The following MLLT10 variants were observed in gnomAD, a reference collection of about 807,000 sequenced individuals.
MLLT10 encodes protein AF-10.
A neutral mutation model predicts 129.1 loss-of-function variants in MLLT10; 30 were observed. That is an observed-to-expected ratio of 0.23 (90% CI 0.17 to 0.32). The LOEUF (loss-of-function observed/expected upper bound fraction) is 0.32. Ranked by LOEUF, MLLT10 falls within the 10% of genes least tolerant of loss-of-function variation. MLLT10 has a pLI of 1.00. For synonymous variants in MLLT10, 490 were observed against 446.4 expected (o/e 1.10, Z -1.23); for missense variants, 1,119 against 1,268.3 (o/e 0.88, Z 1.79).
intron 5 of MLLT10, among the ~76,000 whole-genome samples, chr10:21,610,362 C>T (rs916086243): frequency 5.3e-5 from 8 of 152,158 alleles, no homozygotes; most frequent in Admixed American, 1.3e-4. Flanking sequence ...GGAGGGAGCC[C>T]TCATCTTCTT....
intron 3 of MLLT10, among the ~76,000 whole-genome samples, chr10:21,558,446 C>G (rs945813567): frequency 6.6e-6 from 1 of 151,818 alleles, no homozygotes; most frequent in Non-Finnish European, 1.5e-5. Context: ...ACAGAGGAGA[C>G]CCTATCTCTA....
At chr10:21,596,728 T>A (rs2131136930) in intron 5 of MLLT10, among the ~76,000 whole-genome samples, 1 of 152,236 alleles carries the variant, frequency 6.6e-6, no homozygotes, top group East Asian at 1.9e-4. Flanking sequence ...TATTCATGTA[T>A]GTTAATTGAC....
chr10:21,724,919 G>A (rs1350416749), intron 14 of MLLT10, among the ~76,000 whole-genome samples: 2 of 152,206 alleles, frequency 1.3e-5, no homozygotes, highest in African/African-American at 4.8e-5. Context: ...TACAAACTTT[G>A]GACGAGCTCT....
Position 21,595,460 on chromosome 10 carries a change from A to G in MLLT10, c.405+20A>G, listed in dbSNP as rs777366753. 5.8e-6 allele frequency: 9 copies of G among 1,560,512 alleles called. No individual in the cohort carries two copies. The highest frequency in any genetic ancestry group is 7.9e-6 in the Non-Finnish European group (9 of 1,135,506). ...AATAAGGTACAGTGGATATTATTTT[A>G]TTACTGTTTGAATATCACTACTGGG... On this transcript the variant is annotated intron_variant, in intron 5 of 22. Coordinates refer to ENST00000307729, the MANE Select transcript of MLLT10 (RefSeq NM_001195626.3).
intron 9 of MLLT10, among the ~76,000 whole-genome samples, chr10:21,652,718 A>T (rs911335855): frequency 6.6e-6 from 1 of 152,172 alleles, no homozygotes; most frequent in Non-Finnish European, 1.5e-5. Flanking sequence ...CTGAATTGAG[A>T]TGTAACGTGG....
intron 8 of MLLT10, among the ~76,000 whole-genome samples, chr10:21,629,537 C>G (rs1232908809): frequency 2.0e-5 from 3 of 152,130 alleles, no homozygotes; most frequent in Admixed American, 2.0e-4. Flanking sequence ...TTTTCACCCA[C>G]AAGTTTTAGC....
intron 1 of MLLT10, 55 bp from the exon 2 acceptor site, chr10:21,534,590 G>GA: frequency 2.0e-6 from 3 of 1,514,954 alleles, no homozygotes; most frequent in Non-Finnish European, 1.8e-6. Context: ...GTGTGGGGGG[G>GA]AAGCACTAAT....
In MLLT10 at chr10:21,625,663, GT is replaced by G. The variant is rs1325619115; in HGVS notation, c.699+8460del. On this transcript the variant is annotated intron_variant, in intron 8 of 22. Transcript: ENST00000307729. ...TGACTTTACTGAATTCTTCCAGAGT[GT>G]TTTCTTTAGTCTTATTCTTCAGAAT... 2.2e-5 allele frequency: 17 copies of G among 763,178 alleles called. No homozygotes were observed. The African/African-American group carries it at 2.6e-4, about 11-fold the overall frequency. The allele number at this position is 763,178 out of a possible 1,614,324, so 47.3% of individuals were successfully genotyped here.
intron 3 of MLLT10, among the ~76,000 whole-genome samples, chr10:21,574,489 A>G (rs1003828119): frequency 2.0e-5 from 3 of 152,214 alleles, no homozygotes; most frequent in South Asian, 2.1e-4. Context: ...AGGCGGATTC[A>G]TAGAGTAAAG....
In MLLT10 at chr10:21,713,637, A is replaced by G. The variant is rs530573743; in HGVS notation, c.1700-135A>G. ...GTTTATTTGTTTAGTTACTAGCACAATATTTTTTAAACAGCAACAATAAGA... is the reference window on the plus strand; with the variant it reads ...GTTTATTTGTTTAGTTACTAGCACAGTATTTTTTAAACAGCAACAATAAGA... On this transcript the variant is annotated intron_variant, in intron 13 of 22. Transcript: ENST00000307729. 92 of 721,684 alleles carry G rather than the reference A, an allele frequency of 1.3e-4. No individual in the cohort carries two copies. The African/African-American group carries it at 1.4e-3, about 11-fold the overall frequency. The allele number at this position is 721,684 out of a possible 1,614,324, so 44.7% of individuals were successfully genotyped here.
intron 21 of MLLT10, among the ~76,000 whole-genome samples, chr10:21,735,987 C>T (rs995608485): frequency 4.6e-5 from 7 of 152,170 alleles, no homozygotes; most frequent in Admixed American, 1.3e-4. Flanking sequence ...CCCTGAAGAC[C>T]TATGTACGCC....
intron 5 of MLLT10, among the ~76,000 whole-genome samples, chr10:21,598,094 C>G (rs1393052956): frequency 6.6e-6 from 1 of 152,198 alleles, no homozygotes; most frequent in African/African-American, 2.4e-5. Flanking sequence ...GGATTGATGG[C>G]AAGTAGTGGT....
chr10:21,541,175 A>G (rs11012732), intron 3 of MLLT10: 46,537 of 151,984 alleles, frequency 0.31, 7,549 homozygotes, highest in Middle Eastern at 0.48. Context: ...AAAGAAAGAA[A>G]TAATGGTTGA....
Position 21,583,320 on chromosome 10 carries a change from G to A in MLLT10, c.241-2974G>A, listed in dbSNP as rs2041662016. Among the ~76,000 whole-genome samples, 2 of 152,156 alleles carry A rather than the reference G, an allele frequency of 1.3e-5. 1 individual carries two copies. The highest frequency in any genetic ancestry group is 2.9e-5 in the Non-Finnish European group (2 of 68,040). On this transcript the variant is annotated intron_variant, in intron 3 of 22. Coordinates refer to ENST00000307729, the MANE Select transcript of MLLT10 (RefSeq NM_001195626.3). Reference sequence around the variant, plus strand: ...TTTGGACAATGAGTAAGATTGCCTAGTGTTTCATGTGAAATAAGATGACAT... The same window carrying A: ...TTTGGACAATGAGTAAGATTGCCTAATGTTTCATGTGAAATAAGATGACAT...
chr10:21,727,513 G>A (rs770980048), intron 15 of MLLT10, among the ~76,000 whole-genome samples: 1 of 152,132 alleles, frequency 6.6e-6, no homozygotes, highest in African/African-American at 2.4e-5. Context: ...CAGATTAGCT[G>A]TCCACAGCTG....
At position 21,640,847 on chromosome 10, in the gene MLLT10, C is replaced by A. The variant is rs148974989; in HGVS notation, c.700-10826C>A. On this transcript the variant is annotated intron_variant, in intron 8 of 22. Transcript: ENST00000307729. The stretch of plus-strand genomic sequence containing the variant: ...GACTTTACACAATGTTTTTGATTCA[C>A]AGCTAAGTCCAAAAGAGGTGTCCTT... Among the ~76,000 whole-genome samples the A allele has an allele frequency of 7.0e-3, 1,065 of 152,320 alleles. 6 individuals carry two copies. The highest frequency in any genetic ancestry group is 0.012 in the Non-Finnish European group (802 of 68,030).
chr10:21,681,224 A>C, intron 11 of MLLT10, 108 bp from the exon 12 acceptor site: 2 of 1,431,674 alleles, frequency 1.4e-6, no homozygotes, highest in East Asian at 4.6e-5. Flanking sequence ...GGCCTACTTA[A>C]CTACACTTTT....
chr10:21,637,619 G>A (rs546669929), intron 8 of MLLT10, among the ~76,000 whole-genome samples: 1 of 152,318 alleles, frequency 6.6e-6, no homozygotes, highest in East Asian at 1.9e-4. Context: ...ACAGGGTAGA[G>A]GTACTGAGTC....
intron 2 of MLLT10, among the ~76,000 whole-genome samples, chr10:21,536,102 C>T (rs541226049): frequency 1.3e-5 from 2 of 152,122 alleles, no homozygotes. Context: ...CCTAGCACAC[C>T]GGCTAATTTG....
Sources: gnomAD v4.1 joint callset for allele counts (sites outside exome capture counted in the v4.1 genomes callset) on GRCh38, gnomAD v4.1.1 for gene constraint, MANE v1.5 for transcripts, NCBI Gene and HGNC (gene_info 2026-07-23, HGNC 2026-07-21) for gene names.